The following FARP1 variants were observed in gnomAD, a reference collection of about 807,000 sequenced individuals.
FARP1 encodes the protein FERM, ARH/RhoGEF and pleckstrin domain protein 1.
A neutral mutation model predicts 128.8 loss-of-function variants in FARP1; 52 were observed. The ratio of observed to expected loss-of-function variants is 0.40; its 90% CI spans 0.32 to 0.51. The LOEUF is 0.51. FARP1 is among the 20% of genes least tolerant of loss of function. The pLI is 0.45. For synonymous variants in FARP1, 580 were observed against 551.8 expected, an observed-to-expected ratio of 1.05 and a Z score of -0.72; for missense variants, 1,333 against 1,367.9, an observed-to-expected ratio of 0.97 and a Z score of 0.40.
At chr13:98,192,480 C>G (rs1380307291) in intron 1 of FARP1, among the ~76,000 whole-genome samples, 3 of 152,100 alleles carry the variant, frequency 2.0e-5, no homozygotes, top group South Asian at 2.1e-4. Flanking sequence ...ACCTCTGCCT[C>G]TCAGGTTCAA....
At chr13:98,346,443 A>G (rs1181406208) in intron 3 of FARP1, among the ~76,000 whole-genome samples, 1 of 151,252 alleles carries the variant, frequency 6.6e-6, no homozygotes. Context: ...GCCCGCCTCA[A>G]TTTTTAAAAG....
At chr13:98,422,616 T>A (rs1594518275) in intron 16 of FARP1, among the ~76,000 whole-genome samples, 1 of 152,176 alleles carries the variant, frequency 6.6e-6, no homozygotes, top group Admixed American at 6.5e-5. Flanking sequence ...TTGGAACCAA[T>A]AGAATAAATA....
intron 1 of FARP1, among the ~76,000 whole-genome samples, chr13:98,182,126 A>G (rs1236981531): frequency 2.6e-5 from 4 of 152,120 alleles, no homozygotes; most frequent in African/African-American, 9.6e-5. Flanking sequence ...CCAAGCTCCA[A>G]AATTTTATCA....
rs1029098687 is a variant in FARP1 at position 98,180,334 on chromosome 13, C to T, written c.-23-32886C>T. The stretch of plus-strand genomic sequence containing the variant: ...AACCAGAACAAGATCCCTGGGTGAG[C>T]ACCCAGGAAATGGTGCTAAACCACT... On this transcript the variant is annotated intron_variant, in intron 1 of 26. Coordinates refer to ENST00000319562, the MANE Select transcript of FARP1 (RefSeq NM_005766.4). Among the ~76,000 whole-genome samples the T allele has an allele frequency of 5.9e-5, 9 of 152,152 alleles. 1 individual carries two copies. Among genetic ancestry groups the T allele is most frequent in the East Asian group, 3.9e-4 (2 of 5,166 alleles).
chr13:98,301,203 G>A (rs1463131020), intron 2 of FARP1, among the ~76,000 whole-genome samples: 1 of 152,222 alleles, frequency 6.6e-6, no homozygotes, highest in Admixed American at 6.5e-5. Flanking sequence ...CCCACCTGGA[G>A]GAGCCCTGGG....
At chr13:98,168,214 C>T (rs1349114261) in intron 1 of FARP1, among the ~76,000 whole-genome samples, 1 of 151,972 alleles carries the variant, frequency 6.6e-6, no homozygotes, top group Non-Finnish European at 1.5e-5. Context: ...GTTTTGGTGC[C>T]ATGCTGTTGT....
Position 98,176,118 on chromosome 13 carries a change from C to A in FARP1, c.-24+32626C>A. ...AGACTGTCATCTCTCTCATCTTACT[C>A]AACAGGCTGCTTCTCCCCAGTGTAC... On this transcript the variant is annotated intron_variant, in intron 1 of 26. Coordinates refer to ENST00000319562, the MANE Select transcript of FARP1 (RefSeq NM_005766.4). This position sits in a 1 kb window ranked among gnomAD's most constrained non-coding sequence, Gnocchi z 6.2. 1 of 1,551,742 alleles carries A rather than the reference C, an allele frequency of 6.4e-7. No homozygotes were observed. The highest frequency in any genetic ancestry group is 1.1e-5 in the South Asian group (1 of 87,882).
intron 17 of FARP1, among the ~76,000 whole-genome samples, chr13:98,428,738 G>A (rs1594524958): frequency 6.6e-6 from 1 of 152,182 alleles, no homozygotes; most frequent in Non-Finnish European, 1.5e-5. Flanking sequence ...GCCTGGGTGT[G>A]TGCATTGCTT....
intron 2 of FARP1, among the ~76,000 whole-genome samples, chr13:98,269,711 T>C (rs1370580088): frequency 2.0e-5 from 3 of 152,220 alleles, no homozygotes; most frequent in Admixed American, 6.5e-5. Flanking sequence ...AAAATTTAAT[T>C]TGTTACTATT....
Position 98,410,743 on chromosome 13 carries a change from A to G in FARP1, c.1612A>G (p.Thr538Ala). The G allele has an allele frequency of 1.3e-6, 2 of 1,594,500 alleles. No homozygotes were observed. Among genetic ancestry groups the G allele is most frequent in the Non-Finnish European group, 1.7e-6 (2 of 1,164,820 alleles). Residue 538 changes from threonine (T) to alanine (A), a missense_variant, in exon 15 of 27, where the codon ACT becomes GCT. Physicochemically the swap from Thr to Ala is moderately conservative, Grantham distance 58 (BLOSUM62 0). Around this residue, in one of 2 missense-constraint regions of FARP1, gnomAD observed 1,009 missense variants for 969.8 expected, o/e 1.04. Coordinates refer to ENST00000319562, the MANE Select transcript of FARP1 (RefSeq NM_005766.4). The stretch of plus-strand genomic sequence containing the variant: ...TTGCTGGGTTTTGCAGAGATTCCCA[A>G]CTGATAAAGCGTACTTCATAGCTAA... ...EDEGRRKRFP[T>A]DKAYFIAKEV...
chr13:98,446,859 A>AC (rs774837793), intron 26 of FARP1, 42 bp downstream of exon 26: 8 of 1,595,600 alleles, frequency 5.0e-6, no homozygotes, highest in South Asian at 2.2e-5. Context: ...GCAGAAGAGG[A>AC]CCCCCTCTTC....
chr13:98,143,728 C>A (rs1413391917), intron 1 of FARP1, among the ~76,000 whole-genome samples: 2 of 151,618 alleles, frequency 1.3e-5, no homozygotes, highest in Admixed American at 6.6e-5. Context: ...CGGGCTGCCC[C>A]CTGCGCCCCT....
intron 1 of FARP1, among the ~76,000 whole-genome samples, chr13:98,174,784 A>T (rs772854703): frequency 5.3e-5 from 8 of 152,132 alleles, no homozygotes; most frequent in Admixed American, 1.3e-4. Context: ...TAAATATGTT[A>T]ATTTTTGCTT....
rs143008855 is a variant in FARP1 at position 98,439,346 on chromosome 13, C to T, written c.2433+150C>T. 1.7e-3 allele frequency: 1,011 copies of T among 611,148 alleles called. 9 individuals are homozygous for T. Among genetic ancestry groups the T allele is most frequent in the African/African-American group, 0.016 (874 of 54,222 alleles). 37.9% of individuals were successfully genotyped at this position (611,148 alleles called of 1,614,324 possible). A position where few individuals can be genotyped will look rare whatever the true frequency, so the allele number is the denominator to read the frequency against. Reference sequence around the variant, plus strand: ...TGGTTACAAGACATGGGCTCAAAGACCATCGAAGACCATACAACCCTTTCA... The same window carrying T: ...TGGTTACAAGACATGGGCTCAAAGATCATCGAAGACCATACAACCCTTTCA... On this transcript the variant is annotated intron_variant, in intron 21 of 26. Transcript: ENST00000319562.
chr13:98,350,154 C>T (rs1189705349), intron 3 of FARP1, among the ~76,000 whole-genome samples: 1 of 152,052 alleles, frequency 6.6e-6, no homozygotes, highest in African/African-American at 2.4e-5. Flanking sequence ...CTAATGGTGA[C>T]TGTGTTGACA....
chr13:98,390,058 T>A lies in FARP1; in HGVS notation c.957T>A (p.Phe319Leu). The A allele has an allele frequency of 6.2e-7, 1 of 1,614,224 alleles. No homozygotes were observed. The highest frequency in any genetic ancestry group is 8.5e-7 in the Non-Finnish European group (1 of 1,180,028). Residue 319 changes from phenylalanine (F) to leucine (L), a missense_variant, in exon 10 of 27, where the codon TTT becomes TTA. Physicochemically the swap from Phe to Leu is conservative, Grantham distance 22. Around this residue, in one of 2 missense-constraint regions of FARP1, gnomAD observed 1,009 missense variants for 969.8 expected, o/e 1.04. Transcript: ENST00000319562. ...AACATCATGCCTTCTTTAGACTTTT[T>A]GAAGAGCCCAAACCAAAGCCCAAGC... ...CVEHHAFFRL[F>L]EEPKPKPKPV...
At chr13:98,340,217 G>A (rs1204682392) in intron 2 of FARP1, among the ~76,000 whole-genome samples, 1 of 151,946 alleles carries the variant, frequency 6.6e-6, no homozygotes, top group Non-Finnish European at 1.5e-5. Flanking sequence ...CTTGCCAGCT[G>A]GTCAGATAAT....
At chr13:98,275,377 A>G (rs1354989472) in intron 2 of FARP1, among the ~76,000 whole-genome samples, 2 of 123,998 alleles carry the variant, frequency 1.6e-5, no homozygotes, top group East Asian at 4.5e-4. Flanking sequence ...TAATATTTAT[A>G]TATTTTTATA....
chr13:98,437,196 C>T (rs545476954), intron 19 of FARP1, among the ~76,000 whole-genome samples: 21 of 152,292 alleles, frequency 1.4e-4, no homozygotes, highest in Admixed American at 7.2e-4. Flanking sequence ...CAGAGCACAA[C>T]GGGAAGCATT....
Sources: gnomAD v4.1 joint callset for allele counts (sites outside exome capture counted in the v4.1 genomes callset) on GRCh38, gnomAD v4.1.1 for gene constraint, gnomAD v4.1.1 regional missense constraint, Gnocchi (gnomAD v3.1) non-coding constraint, MANE v1.5 for transcripts, NCBI Gene and HGNC (gene_info 2026-07-23, HGNC 2026-07-21) for gene names.